TBC1D8: variants seen among roughly 807,000 people sequenced by gnomAD.
The protein encoded by TBC1D8 is BUB2-like protein 1.
TBC1D8 carries 65 observed loss-of-function variants against 118.8 expected under a neutral mutation model. The observed-to-expected ratio is 0.55, with a 90% CI of 0.45 to 0.67. The LOEUF (loss-of-function observed/expected upper bound fraction) is 0.67, where lower values mean the gene tolerates loss of function less well. Among genes scored for constraint, TBC1D8 ranks in the 30% least tolerant of loss-of-function variants. TBC1D8 has a pLI of 0.00. For missense variants in TBC1D8, 1,376 were observed against 1,471.2 expected (o/e 0.94, Z 1.06); for synonymous variants, 566 against 595.8 (o/e 0.95, Z 0.73).
intron 1 of TBC1D8, among the ~76,000 whole-genome samples, chr2:101,128,078 A>C (rs1678430426): frequency 1.3e-5 from 2 of 152,218 alleles, no homozygotes. Flanking sequence ...CAGGTTAATA[A>C]GGACAAGATT....
In TBC1D8 at chr2:101,007,979, A is replaced by AAAT; in HGVS notation, c.3307_3309dup (p.Ile1103dup). The AAAT allele has an allele frequency of 1.2e-6, 2 of 1,614,058 alleles. No individual in the cohort carries two copies. Among genetic ancestry groups the AAAT allele is most frequent in the Non-Finnish European group, 1.7e-6 (2 of 1,179,906 alleles). ...GACTGTTCAGTCAGAAGTGAAGCTA[A>AAAT]AATATGTTCAAGGGAGACAGTCCAG... is the stretch of plus-strand genomic sequence containing the variant. On this transcript the variant is annotated inframe_insertion, in exon 20 of 20. Coordinates refer to ENST00000409318, the MANE Select transcript of TBC1D8 (RefSeq NM_001330348.2).
chr2:101,069,976 C>T (rs1236691148), intron 2 of TBC1D8, among the ~76,000 whole-genome samples: 4 of 150,730 alleles, frequency 2.7e-5, no homozygotes, highest in Admixed American at 6.6e-5. Context: ...AGTGCAATAG[C>T]GTGATCTCGG....
At chr2:101,079,778 C>T (rs890867993) in intron 2 of TBC1D8, among the ~76,000 whole-genome samples, 6 of 150,822 alleles carry the variant, frequency 4.0e-5, no homozygotes, top group Middle Eastern at 3.4e-3. Context: ...CTCCGCCTCC[C>T]GGGTTCACGC....
intron 2 of TBC1D8, among the ~76,000 whole-genome samples, chr2:101,070,835 A>C (rs1683272459): frequency 6.6e-6 from 1 of 152,250 alleles, no homozygotes; most frequent in Non-Finnish European, 1.5e-5. Context: ...AAACAATTAC[A>C]AACCTAAAAA....
intron 1 of TBC1D8, among the ~76,000 whole-genome samples, chr2:101,135,839 T>G (rs1032213986): frequency 5.9e-5 from 9 of 152,184 alleles, no homozygotes; most frequent in African/African-American, 2.2e-4. Flanking sequence ...CCTGATTTTG[T>G]TTGGATGTTT....
chr2:101,040,451 G>A (rs1333606274), intron 5 of TBC1D8, 66 bp from the exon 6 acceptor site: 7 of 1,436,570 alleles, frequency 4.9e-6, no homozygotes, highest in Non-Finnish European at 4.7e-6. Flanking sequence ...AGATTACAAA[G>A]GAAAATACTT....
At chr2:101,129,512 A>G (rs1298200867) in intron 1 of TBC1D8, among the ~76,000 whole-genome samples, 1 of 152,210 alleles carries the variant, frequency 6.6e-6, no homozygotes, top group Non-Finnish European at 1.5e-5. Context: ...AACAGTCGCC[A>G]GCCCAGAACA....
In TBC1D8 at chr2:101,033,684, G is replaced by A; in HGVS notation, c.1678C>T (p.Leu560=). The change falls in exon 10 of 20, where the codon CTG becomes TTG. Residue 560 remains leucine (L), a synonymous_variant. Coordinates refer to ENST00000409318, the MANE Select transcript of TBC1D8 (RefSeq NM_001330348.2). ...TCTCGTTCTATCTCCTCGGTTACCAGGCAGCATTTCCCCAGGGACTCCTCC... is the reference window on the plus strand; with the variant it reads ...TCTCGTTCTATCTCCTCGGTTACCAAGCAGCATTTCCCCAGGGACTCCTCC... The part of the protein sequence containing the change: ...LVEESLGKCC[L]VTEEIERDLH... 6.2e-7 allele frequency: 1 copy of A among 1,613,950 alleles called. No homozygotes were observed. Among genetic ancestry groups the A allele is most frequent in the Non-Finnish European group, 8.5e-7 (1 of 1,179,898 alleles).
chr2:101,054,656 CATTTT>C (rs1682288183), intron 3 of TBC1D8, among the ~76,000 whole-genome samples: 1 of 50,378 alleles, frequency 2.0e-5, no homozygotes, highest in Admixed American at 2.5e-4. Context: ...AACAAACAAT[CATTTT>C]CTTTTCTTTT....
intron 2 of TBC1D8, among the ~76,000 whole-genome samples, chr2:101,073,272 T>TTTTAC (rs1421625818): frequency 4.1e-5 from 6 of 145,486 alleles, no homozygotes; most frequent in African/African-American, 1.5e-4. Context: ...TTTTTTTATT[T>TTTTAC]TTTATTTTAT....
At chr2:101,148,413 T>C (rs1679406888) in intron 1 of TBC1D8, among the ~76,000 whole-genome samples, 1 of 151,936 alleles carries the variant, frequency 6.6e-6, no homozygotes, top group Admixed American at 6.6e-5. Context: ...CCTGCCCTCA[T>C]AGAACAGGCA....
At chr2:101,101,124 A>G (rs543724021) in intron 1 of TBC1D8, among the ~76,000 whole-genome samples, 1 of 152,370 alleles carries the variant, frequency 6.6e-6, no homozygotes, top group South Asian at 2.1e-4. Context: ...ACAGAATGGG[A>G]GAAAATTTTT....
In TBC1D8 at chr2:101,017,989, A is replaced by C. The variant is rs973688638; in HGVS notation, c.2827+3692T>G. The C allele has an allele frequency of 9.4e-6, 14 of 1,484,372 alleles. No individual in the cohort carries two copies. In the South Asian group the frequency reaches 1.1e-4, roughly 12 times the overall value. The allele number at this position is 1,484,372 out of a possible 1,614,324, so 92.0% of individuals were successfully genotyped here. A position where few individuals can be genotyped will look rare whatever the true frequency, so the allele number is the denominator to read the frequency against. ...ATTATAGAGGATTCGAACGGTTCCA[A>C]TGCTCGCAATTCTACTTCAAGCATG... On this transcript the variant is annotated intron_variant, in intron 17 of 19. Coordinates refer to ENST00000409318, the MANE Select transcript of TBC1D8 (RefSeq NM_001330348.2).
chr2:101,062,031 C>G (rs1398593041), intron 2 of TBC1D8, among the ~76,000 whole-genome samples: 2 of 152,186 alleles, frequency 1.3e-5, no homozygotes. Context: ...ATCTGGTTTA[C>G]CTGCCTCTGG....
chr2:101,016,774 G>A (rs1485484524), intron 17 of TBC1D8, among the ~76,000 whole-genome samples: 1 of 152,058 alleles, frequency 6.6e-6, no homozygotes, highest in African/African-American at 2.4e-5. Context: ...GTCCTTTGTA[G>A]GGACATGGAT....
chr2:101,029,958 G>T, intron 11 of TBC1D8, 182 bp from the exon 12 acceptor site: 1 of 577,760 alleles, frequency 1.7e-6, no homozygotes, highest in Non-Finnish European at 2.9e-6. Flanking sequence ...GTAAAAGATA[G>T]CCTTTTTAAA....
intron 1 of TBC1D8, among the ~76,000 whole-genome samples, chr2:101,134,799 A>G (rs140549177): frequency 6.2e-4 from 95 of 152,314 alleles, no homozygotes; most frequent in African/African-American, 2.2e-3. Context: ...TCAATCCACA[A>G]CATAACTTAA....
At chr2:101,047,961 T>C (rs1406584961) in intron 5 of TBC1D8, among the ~76,000 whole-genome samples, 1 of 152,088 alleles carries the variant, frequency 6.6e-6, no homozygotes, top group Admixed American at 6.5e-5. Context: ...AAACACCACA[T>C]CTGGAAGTGG....
At chr2:101,147,166 A>G (rs1333523197) in intron 1 of TBC1D8, among the ~76,000 whole-genome samples, 1 of 152,126 alleles carries the variant, frequency 6.6e-6, no homozygotes, top group Non-Finnish European at 1.5e-5. Context: ...TCTTTCGTAT[A>G]GTTGAATAGT....
Sources: gnomAD v4.1 joint callset for allele counts (sites outside exome capture counted in the v4.1 genomes callset) on GRCh38, gnomAD v4.1.1 for gene constraint, MANE v1.5 for transcripts, NCBI Gene and HGNC (gene_info 2026-07-23, HGNC 2026-07-21) for gene names.